Variants in BAZ2B observed in about 807,000 individuals in gnomAD.
BAZ2B encodes bromodomain adjacent to zinc finger domain 2B, also known as bromodomain adjacent to zinc finger domain protein 2B.
Under a neutral mutation model 246.0 loss-of-function variants are expected in BAZ2B, and 91 were observed. That is an observed-to-expected ratio of 0.37 (90% CI 0.31 to 0.44). The LOEUF is 0.44. Among genes scored for constraint, BAZ2B ranks in the 20% least tolerant of loss-of-function variants. The pLI, the probability that BAZ2B is intolerant of heterozygous loss-of-function variation, is 1.00. For synonymous variants in BAZ2B, 855 were observed against 860.0 expected (o/e 0.99, Z 0.10); for missense variants, 2,332 against 2,533.7 (o/e 0.92, Z 1.71).
chr2:159,609,062 T>C (rs1464075844), intron 1 of BAZ2B, among the ~76,000 whole-genome samples: 1 of 152,216 alleles, frequency 6.6e-6, no homozygotes, highest in Non-Finnish European at 1.5e-5. Context: ...CTGTGATTCC[T>C]AAAAGGAGAG....
chr2:159,668,381 T>C, the BAZ2B span, among the ~76,000 whole-genome samples: 1 of 152,152 alleles, frequency 6.6e-6, no homozygotes, highest in African/African-American at 2.4e-5. Flanking sequence ...GGTCATTCTT[T>C]CCATGTTTCT....
downstream of BAZ2B, chr2:159,318,903 C>T (rs529972225): frequency 2.0e-5 from 3 of 152,240 alleles, no homozygotes; most frequent in South Asian, 6.2e-4. Flanking sequence ...CTACAGGTCT[C>T]TGTAAAAATC....
At chr2:159,522,793 A>G (rs2084277609) in intron 2 of BAZ2B, among the ~76,000 whole-genome samples, 1 of 152,182 alleles carries the variant, frequency 6.6e-6, no homozygotes, top group Non-Finnish European at 1.5e-5. Flanking sequence ...GTCAAAATAT[A>G]CATTAGACTG....
At chr2:159,523,814 C>A (rs2084414572) in intron 2 of BAZ2B, among the ~76,000 whole-genome samples, 1 of 152,056 alleles carries the variant, frequency 6.6e-6, no homozygotes, top group Admixed American at 6.6e-5. Context: ...AATTTATACA[C>A]CAATTTCAAT....
At chr2:159,572,396 G>A (rs1342292295) in intron 1 of BAZ2B, among the ~76,000 whole-genome samples, 1 of 152,102 alleles carries the variant, frequency 6.6e-6, no homozygotes, top group East Asian at 1.9e-4. Context: ...CAGTATTATG[G>A]GACTGAGACC....
chr2:159,326,180 CAGA>C (rs2063687827), intron 34 of BAZ2B, among the ~76,000 whole-genome samples: 1 of 152,118 alleles, frequency 6.6e-6, no homozygotes, highest in Non-Finnish European at 1.5e-5. Flanking sequence ...AATTCATCTA[CAGA>C]AGGTGTCTGT....
chr2:159,546,097 A>C (rs541701243), intron 2 of BAZ2B, among the ~76,000 whole-genome samples: 3 of 152,088 alleles, frequency 2.0e-5, no homozygotes, highest in Admixed American at 6.6e-5. Flanking sequence ...TTTCTCCATT[A>C]TTTTTCAGTT....
chr2:159,363,389 T>C (rs1408826101), intron 27 of BAZ2B, among the ~76,000 whole-genome samples: 2 of 152,202 alleles, frequency 1.3e-5, no homozygotes, highest in Non-Finnish European at 2.9e-5. Flanking sequence ...CCTGACAACA[T>C]GCTCTTGGTG....
At chr2:159,352,120 A>G (rs1488315513) in intron 27 of BAZ2B, among the ~76,000 whole-genome samples, 1 of 152,178 alleles carries the variant, frequency 6.6e-6, no homozygotes, top group African/African-American at 2.4e-5. Context: ...CCACCTCTGC[A>G]CCACTCTTGT....
At position 159,507,169 on chromosome 2, in the gene BAZ2B, A is replaced by G. The variant is rs566929365; in HGVS notation, c.-2-28448T>C. Among the ~76,000 whole-genome samples, 8 of 152,334 alleles carry G rather than the reference A, an allele frequency of 5.3e-5. No homozygotes were observed. The South Asian group carries it at 1.7e-3, about 32-fold the overall frequency. On this transcript the variant is annotated intron_variant, in intron 2 of 36. Coordinates refer to ENST00000392783, the MANE Select transcript of BAZ2B (RefSeq NM_013450.4). ...ATGCTTAGATGGTCGTCAAAGAGAGATTAGGTGGCTGCAAAGAAGAGCTAA... is the reference window on the plus strand; with the variant it reads ...ATGCTTAGATGGTCGTCAAAGAGAGGTTAGGTGGCTGCAAAGAAGAGCTAA...
chr2:159,587,398 A>G (rs751752853), intron 1 of BAZ2B, among the ~76,000 whole-genome samples: 3 of 152,066 alleles, frequency 2.0e-5, no homozygotes, highest in African/African-American at 7.2e-5. Context: ...TTAATTGCCT[A>G]TCTAAACCTC....
chr2:159,494,144 G>A (rs2080815810), intron 2 of BAZ2B, among the ~76,000 whole-genome samples: 1 of 152,096 alleles, frequency 6.6e-6, no homozygotes, highest in Non-Finnish European at 1.5e-5. Context: ...GGTAATGCTG[G>A]CTACCAACTC....
chr2:159,477,087 T>G (rs1023401570), intron 3 of BAZ2B, among the ~76,000 whole-genome samples: 4 of 152,226 alleles, frequency 2.6e-5, no homozygotes, highest in Middle Eastern at 6.8e-3. Flanking sequence ...GGGCGGATCA[T>G]GAGGTCAGGA....
At chr2:159,703,843 C>T in the BAZ2B span, among the ~76,000 whole-genome samples, 1 of 152,036 alleles carries the variant, frequency 6.6e-6, no homozygotes, top group Non-Finnish European at 1.5e-5. Context: ...CCAGCCTGGT[C>T]AACAGAACAA....
At chr2:159,690,878 T>TA in the BAZ2B span, among the ~76,000 whole-genome samples, 1 of 116,986 alleles carries the variant, frequency 8.5e-6, no homozygotes, top group Non-Finnish European at 2.0e-5. Flanking sequence ...TACTGATTCC[T>TA]CTTGTTTAAC....
intron 21 of BAZ2B, among the ~76,000 whole-genome samples, chr2:159,387,668 T>A (rs1449436122): frequency 5.9e-5 from 9 of 152,108 alleles, no homozygotes; most frequent in Admixed American, 2.0e-4. Context: ...CATATACATT[T>A]CTATGTAATT....
chr2:159,567,559 A>T (rs928390893), intron 1 of BAZ2B, among the ~76,000 whole-genome samples: 1 of 152,220 alleles, frequency 6.6e-6, no homozygotes, highest in African/African-American at 2.4e-5. Flanking sequence ...TTGCTTGGGC[A>T]TTTTAGCTAA....
the BAZ2B span, among the ~76,000 whole-genome samples, chr2:159,707,847 C>T: frequency 1.1e-4 from 17 of 151,078 alleles, no homozygotes; most frequent in Non-Finnish European, 1.8e-4. Flanking sequence ...AAAAATTAGC[C>T]GGGAGTGGTG....
intron 8 of BAZ2B, among the ~76,000 whole-genome samples, chr2:159,436,623 C>T (rs529563426): frequency 5.3e-5 from 8 of 152,008 alleles, no homozygotes; most frequent in East Asian, 3.9e-4. Flanking sequence ...TGGTGGCGGG[C>T]GCCTGTAGTC....
Sources: gnomAD v4.1 joint callset for allele counts (sites outside exome capture counted in the v4.1 genomes callset) on GRCh38, gnomAD v4.1.1 for gene constraint, MANE v1.5 for transcripts, NCBI Gene and HGNC (gene_info 2026-07-23, HGNC 2026-07-21) for gene names.